Variants in SMARCA2 observed in about 807,000 individuals in gnomAD.
The protein encoded by SMARCA2 is SWI/SNF related BAF chromatin remodeling complex subunit ATPase 2, also known as SWI/SNF-related matrix-associated actin-dependent regulator of chromatin subfamily A member 2.
SMARCA2 carries 61 observed loss-of-function variants against 199.8 expected under a neutral mutation model. The ratio of observed to expected loss-of-function variants is 0.31; its 90% confidence interval spans 0.25 to 0.38. The LOEUF (loss-of-function observed/expected upper bound fraction) is 0.38, where lower values mean the gene tolerates loss of function less well. Ranked by LOEUF, SMARCA2 falls within the 10% of genes least tolerant of loss-of-function variation. The pLI is 1.00. For synonymous variants in SMARCA2, 935 were observed against 732.0 expected, an observed-to-expected ratio of 1.28 and a Z score of -4.48; for missense variants, 1,344 against 2,012.2, an observed-to-expected ratio of 0.67 and a Z score of 6.35.
intron 3 of SMARCA2, among the ~76,000 whole-genome samples, chr9:2,034,591 A>G (rs1819236813): frequency 6.6e-6 from 1 of 152,238 alleles, no homozygotes; most frequent in African/African-American, 2.4e-5. Flanking sequence ...GCGTTGCTAT[A>G]TATAATCCTG....
At chr9:2,166,467 A>G (rs758075549) in intron 28 of SMARCA2, among the ~76,000 whole-genome samples, 11 of 152,194 alleles carry the variant, frequency 7.2e-5, no homozygotes, top group African/African-American at 1.7e-4. Flanking sequence ...TCACATGAAT[A>G]CTGCCAAGGT....
chr9:2,123,241 C>T lies in SMARCA2; in HGVS notation c.3763-478C>T, dbSNP rs777364366. Among the ~76,000 whole-genome samples the T allele has an allele frequency of 2.7e-5, 4 of 148,368 alleles. No individual in the cohort carries two copies. Among genetic ancestry groups the T allele is most frequent in the Non-Finnish European group, 4.5e-5 (3 of 66,730 alleles). On this transcript the variant is annotated intron_variant, in intron 26 of 33. Transcript: ENST00000349721. This position sits in a 1 kb window ranked among gnomAD's most constrained non-coding sequence, Gnocchi z 4.1. The stretch of plus-strand genomic sequence containing the variant: ...TTCTGTACTGATACCTTGGGTCCCC[C>T]TTTTTTTTTTATTGCTGATTGTTTA...
intron 27 of SMARCA2, among the ~76,000 whole-genome samples, chr9:2,141,843 G>A (rs1824474518): frequency 6.6e-6 from 1 of 152,200 alleles, no homozygotes; most frequent in Admixed American, 6.5e-5. Flanking sequence ...TGCCCACTGA[G>A]CTGATCTCCT....
At position 2,104,508 on chromosome 9, in the gene SMARCA2, C is replaced by T. The variant is rs1563771133; in HGVS notation, c.3292+339C>T. On this transcript the variant is annotated intron_variant, in intron 23 of 33. Transcript: ENST00000349721. This position sits in a 1 kb window ranked among gnomAD's most constrained non-coding sequence, Gnocchi z 4.0. ...GTGCCAAAGATATAGAATACATTGA[C>T]ACACCTTTAACTTTTTCAGTTAAGG... 6.6e-6 allele frequency among the ~76,000 whole-genome samples: 1 copy of T among 152,174 alleles called. No homozygotes were observed. The highest frequency in any genetic ancestry group is 1.5e-5 in the Non-Finnish European group (1 of 68,026).
chr9:2,073,739 G>A, intron 12 of SMARCA2, 116 bp downstream of exon 12: 2 of 737,064 alleles, frequency 2.7e-6, no homozygotes, highest in South Asian at 3.4e-5. Flanking sequence ...TCCAGGATTG[G>A]CCTTTGGGTG....
At chr9:2,087,524 C>T (rs1821852414) in intron 18 of SMARCA2, among the ~76,000 whole-genome samples, 1 of 152,072 alleles carries the variant, frequency 6.6e-6, no homozygotes, top group South Asian at 2.1e-4. Flanking sequence ...AACTAGTTTT[C>T]ACACATTTTC....
At chr9:2,096,429 C>A (rs1822275796) in intron 19 of SMARCA2, among the ~76,000 whole-genome samples, 1 of 152,156 alleles carries the variant, frequency 6.6e-6, no homozygotes, top group Admixed American at 6.5e-5. Context: ...ATGACCCTAG[C>A]ATCAATTACA....
intron 27 of SMARCA2, among the ~76,000 whole-genome samples, chr9:2,132,281 A>G (rs1042472181): frequency 6.6e-6 from 1 of 152,230 alleles, no homozygotes; most frequent in Non-Finnish European, 1.5e-5. Context: ...TTCTCTGCCT[A>G]GAGATCTTGC....
intron 3 of SMARCA2, among the ~76,000 whole-genome samples, chr9:2,034,666 T>C (rs10964502): frequency 0.083 from 12,683 of 152,302 alleles, 662 homozygotes; most frequent in East Asian, 0.2. Flanking sequence ...GGAAGACTTT[T>C]GGCTGTGAGG....
At chr9:2,049,406 T>G (rs1820021844) in intron 5 of SMARCA2, among the ~76,000 whole-genome samples, 1 of 152,200 alleles carries the variant, frequency 6.6e-6, no homozygotes, top group African/African-American at 2.4e-5. Context: ...GTAAAAAGCT[T>G]TTGTTCTGCC....
rs1356555289 is a variant in SMARCA2 at position 2,115,040 on chromosome 9, T to A, written c.3457-782T>A. Among the ~76,000 whole-genome samples, 2 of 152,076 alleles carry A rather than the reference T, an allele frequency of 1.3e-5. No individual in the cohort carries two copies. Among genetic ancestry groups the A allele is most frequent in the Non-Finnish European group, 2.9e-5 (2 of 68,016 alleles). On this transcript the variant is annotated intron_variant, in intron 24 of 33. Transcript: ENST00000349721. This position sits in a 1 kb window ranked among gnomAD's most constrained non-coding sequence, Gnocchi z 6.0. Reference sequence around the variant, plus strand: ...AACTAATTCAGTATTGTTGAATGTTTCTTTTTTTAAAAAAAAAGCCATTAG... The same window carrying A: ...AACTAATTCAGTATTGTTGAATGTTACTTTTTTTAAAAAAAAAGCCATTAG...
chr9:2,104,132 T>C lies in SMARCA2; in HGVS notation c.3255T>C (p.Tyr1085=), dbSNP rs761561959. 6.2e-7 allele frequency: 1 copy of C among 1,614,094 alleles called. No homozygotes were observed. Among genetic ancestry groups the C allele is most frequent in the Non-Finnish European group, 8.5e-7 (1 of 1,179,984 alleles). ...CTCTCATGACCATCATGGAGGATTA[T>C]TTTGCTTTTCGGAACTTCCTTTACC... ...MTSLMTIMED[Y]FAFRNFLYLR... is the part of the protein sequence containing the mutation. Residue 1085 remains tyrosine (Y), a synonymous_variant, in exon 23 of 34, where the codon TAT becomes TAC. Coordinates refer to ENST00000349721, the MANE Select transcript of SMARCA2 (RefSeq NM_003070.5). This position sits in a 1 kb window ranked among gnomAD's most constrained non-coding sequence, Gnocchi z 4.0.
chr9:2,061,488 T>C (rs958148477), intron 9 of SMARCA2, among the ~76,000 whole-genome samples: 1 of 152,166 alleles, frequency 6.6e-6, no homozygotes, highest in African/African-American at 2.4e-5. Context: ...GTGTGCACAT[T>C]GGGGTTTTAG....
intron 27 of SMARCA2, among the ~76,000 whole-genome samples, chr9:2,137,526 C>T (rs1383991569): frequency 6.6e-6 from 1 of 152,180 alleles, no homozygotes; most frequent in South Asian, 2.1e-4. Context: ...GCTGTCTCCT[C>T]CTTGTCCCAA....
chr9:2,131,449 T>G (rs1343978443), intron 27 of SMARCA2, among the ~76,000 whole-genome samples: 2 of 152,192 alleles, frequency 1.3e-5, no homozygotes, highest in African/African-American at 4.8e-5. Context: ...TGATGAGACT[T>G]ATTTCTTTAG....
At chr9:2,132,714 T>G (rs555824133) in intron 27 of SMARCA2, among the ~76,000 whole-genome samples, 2 of 152,216 alleles carry the variant, frequency 1.3e-5, no homozygotes, top group East Asian at 1.9e-4. Context: ...GAAAATAGAT[T>G]TGGGTTTTGC....
chr9:2,155,335 T>G (rs1427399167), intron 27 of SMARCA2, among the ~76,000 whole-genome samples: 2 of 152,066 alleles, frequency 1.3e-5, no homozygotes, highest in Non-Finnish European at 2.9e-5. Flanking sequence ...CAGGCTGGAG[T>G]GCAGTGGGGC....
rs559363682 is a variant in SMARCA2 at position 2,127,537 on chromosome 9, G to A, written c.3981+3600G>A. On this transcript the variant is annotated intron_variant, in intron 27 of 33. Transcript: ENST00000349721. ...GCTCCAGGCTGACAGAGCCTCTGCC[G>A]GCTTGGTCATCTCCATCCACTTGAG... Among the ~76,000 whole-genome samples the A allele has an allele frequency of 7.2e-4, 110 of 152,296 alleles. 2 individuals are homozygous for A. Among genetic ancestry groups the A allele is most frequent in the African/African-American group, 2.4e-3 (99 of 41,572 alleles).
At chr9:2,182,788 C>A (rs573191948) in intron 31 of SMARCA2, among the ~76,000 whole-genome samples, 3 of 141,972 alleles carry the variant, frequency 2.1e-5, no homozygotes, top group South Asian at 2.4e-4. Flanking sequence ...AGCCACCACA[C>A]CCGGCCTCAA....
Sources: gnomAD v4.1 joint callset for allele counts (sites outside exome capture counted in the v4.1 genomes callset) on GRCh38, gnomAD v4.1.1 for gene constraint, Gnocchi (gnomAD v3.1) non-coding constraint, MANE v1.5 for transcripts, NCBI Gene and HGNC (gene_info 2026-07-23, HGNC 2026-07-21) for gene names.